Variants in EYS observed in about 807,000 individuals in gnomAD.
EYS encodes protein eyes shut homolog.
A neutral mutation model predicts 282.1 loss-of-function variants in EYS; 250 were observed. The observed-to-expected ratio is 0.89, with a 90% confidence interval of 0.80 to 0.98. The LOEUF is 0.98. Among genes scored for constraint, EYS ranks in the 50% least tolerant of loss-of-function variants. EYS has a pLI of 0.00. For synonymous variants in EYS, 1,355 were observed against 1,282.9 expected, an observed-to-expected ratio of 1.06 and a Z score of -1.20; for missense variants, 4,016 against 3,709.0, an observed-to-expected ratio of 1.08 and a Z score of -2.15.
intron 21 of EYS, among the ~76,000 whole-genome samples, chr6:64,815,768 C>T (rs976801507): frequency 3.3e-5 from 5 of 152,054 alleles, no homozygotes; most frequent in African/African-American, 1.2e-4. Flanking sequence ...CCAGGGCAAT[C>T]TAGACAACAG....
chr6:63,982,862 G>T (rs1767165791), intron 35 of EYS, among the ~76,000 whole-genome samples: 1 of 151,698 alleles, frequency 6.6e-6, no homozygotes. Flanking sequence ...AAAGCCTCAT[G>T]GAAAATATTT....
intron 29 of EYS, among the ~76,000 whole-genome samples, chr6:64,353,550 T>G (rs1371414276): frequency 6.6e-6 from 1 of 151,518 alleles, no homozygotes. Flanking sequence ...TCCCTCTGGG[T>G]TTGTTGATGA....
chr6:65,521,587 G>A (rs1487854725), intron 2 of EYS, among the ~76,000 whole-genome samples: 1 of 151,972 alleles, frequency 6.6e-6, no homozygotes, highest in Non-Finnish European at 1.5e-5. Flanking sequence ...ATACCTGACA[G>A]TTCATATAAA....
intron 35 of EYS, among the ~76,000 whole-genome samples, chr6:63,952,501 C>T (rs1416371502): frequency 2.0e-5 from 3 of 152,144 alleles, no homozygotes; most frequent in Non-Finnish European, 4.4e-5. Flanking sequence ...GCCTGTTACA[C>T]TTGCCTCCAT....
intron 36 of EYS, among the ~76,000 whole-genome samples, chr6:63,812,283 G>A (rs901483051): frequency 2.6e-5 from 4 of 151,928 alleles, no homozygotes; most frequent in African/African-American, 9.7e-5. Context: ...TCCTGTTCCC[G>A]GTGCCTGAAC....
At chr6:64,251,749 T>C (rs1280671513) in intron 30 of EYS, among the ~76,000 whole-genome samples, 1 of 152,130 alleles carries the variant, frequency 6.6e-6, no homozygotes, top group Non-Finnish European at 1.5e-5. Context: ...TGCTAGGTAG[T>C]GAGTATGCAA....
At chr6:64,967,809 A>G (rs569923858) in intron 14 of EYS, among the ~76,000 whole-genome samples, 126 of 152,338 alleles carry the variant, frequency 8.3e-4, no homozygotes, top group African/African-American at 2.9e-3. Context: ...TCTGCAATGT[A>G]TAAAAATGGC....
intron 29 of EYS, among the ~76,000 whole-genome samples, chr6:64,372,552 G>T (rs920676701): frequency 2.0e-5 from 3 of 151,936 alleles, no homozygotes; most frequent in Non-Finnish European, 4.4e-5. Flanking sequence ...GTAGTATTTT[G>T]CAGGGTTTCT....
At chr6:64,545,944 G>C (rs1764846460) in intron 26 of EYS, among the ~76,000 whole-genome samples, 1 of 152,134 alleles carries the variant, frequency 6.6e-6, no homozygotes, top group South Asian at 2.1e-4. Context: ...TGGCCATACT[G>C]CCCAAGGTAA....
intron 30 of EYS, among the ~76,000 whole-genome samples, chr6:64,303,711 C>T (rs7762085): frequency 0.75 from 113,464 of 150,656 alleles, 43,346 homozygotes; most frequent in African/African-American, 0.89. Flanking sequence ...CATGGTGGCG[C>T]GCGCCTGTAG....
chr6:64,929,135 C>A (rs1360761870), intron 15 of EYS, among the ~76,000 whole-genome samples: 2 of 151,924 alleles, frequency 1.3e-5, no homozygotes, highest in Non-Finnish European at 2.9e-5. Context: ...GAAACTAATT[C>A]AATAGGACCA....
intron 1 of EYS, among the ~76,000 whole-genome samples, chr6:65,684,767 C>T (rs952568779): frequency 3.3e-5 from 5 of 152,040 alleles, no homozygotes; most frequent in Middle Eastern, 3.4e-3. Flanking sequence ...TCGTGTGTCA[C>T]GGGGTTTTGG....
rs188286771 is a variant in EYS at position 64,838,218 on chromosome 6, A to G, written c.2993-15396T>C. Among the ~76,000 whole-genome samples the G allele has an allele frequency of 1.7e-3, 256 of 152,016 alleles. 1 individual carries two copies. Among genetic ancestry groups the G allele is most frequent in the African/African-American group, 5.9e-3 (246 of 41,532 alleles). ...AGCATAGTTTGGGATTTGACTGTGA[A>G]TCTGTTCCCCTTTCTCATCCACTTT... On this transcript the variant is annotated intron_variant, in intron 19 of 42. Coordinates refer to ENST00000503581, the MANE Select transcript of EYS (RefSeq NM_001142800.2).
chr6:65,008,273 C>T (rs1451571586), intron 13 of EYS, among the ~76,000 whole-genome samples: 2 of 152,144 alleles, frequency 1.3e-5, no homozygotes, highest in East Asian at 3.9e-4. Flanking sequence ...ACCTCTCTCA[C>T]CTGATTCTAT....
chr6:64,355,419 T>A (rs886936703), intron 29 of EYS, among the ~76,000 whole-genome samples: 1 of 151,570 alleles, frequency 6.6e-6, no homozygotes, highest in Non-Finnish European at 1.5e-5. Flanking sequence ...CAGAGTAGTT[T>A]CACATAGTTC....
At chr6:64,744,575 A>G (rs1302925052) in intron 22 of EYS, among the ~76,000 whole-genome samples, 2 of 152,202 alleles carry the variant, frequency 1.3e-5, no homozygotes, top group Non-Finnish European at 2.9e-5. Flanking sequence ...TCTGGCATTT[A>G]TATTAACAAA....
At chr6:65,675,624 A>C (rs1004594050) in intron 1 of EYS, among the ~76,000 whole-genome samples, 5 of 151,844 alleles carry the variant, frequency 3.3e-5, no homozygotes, top group Admixed American at 6.6e-5. Context: ...GCAGAACTGG[A>C]GTGAGATAGA....
intron 24 of EYS, among the ~76,000 whole-genome samples, chr6:64,596,634 G>A (rs12665663): frequency 0.099 from 15,122 of 152,086 alleles, 914 homozygotes; most frequent in East Asian, 0.16. Context: ...AATAAATAGC[G>A]CAGGGAAAAC....
chr6:64,695,389 G>C (rs1336075511), intron 22 of EYS, among the ~76,000 whole-genome samples: 1 of 151,888 alleles, frequency 6.6e-6, no homozygotes, highest in Non-Finnish European at 1.5e-5. Flanking sequence ...GTGATCTTCT[G>C]CTACCTTCAT....
Sources: allele counts gnomAD v4.1 joint callset (sites outside exome capture counted in the v4.1 genomes callset), GRCh38; gene constraint gnomAD v4.1.1; transcripts MANE v1.5; gene names NCBI Gene and HGNC (gene_info 2026-07-23, HGNC 2026-07-21).